EIF4G3: variants seen among roughly 807,000 people sequenced by gnomAD.
EIF4G3 encodes eukaryotic translation initiation factor 4 gamma 3, also known as eIF-4-gamma 3.
In EIF4G3, 34 loss-of-function variants were observed where a neutral mutation model predicts 186.4. The observed-to-expected ratio is 0.18, with a 90% CI of 0.14 to 0.24. The LOEUF (loss-of-function observed/expected upper bound fraction) is 0.24, where lower values mean the gene tolerates loss of function less well. EIF4G3 is among the 10% of genes least tolerant of loss of function. EIF4G3 has a pLI of 1.00. For synonymous variants in EIF4G3, 673 were observed against 679.5 expected (o/e 0.99, Z 0.15); for missense variants, 1,536 against 1,948.5 (o/e 0.79, Z 3.99).
Position 20,951,451 on chromosome 1 carries a change from C to T in EIF4G3, c.715-1340G>A, listed in dbSNP as rs140708611. On this transcript the variant is annotated intron_variant, in intron 12 of 36. Coordinates refer to ENST00000602326, the MANE Select transcript of EIF4G3 (RefSeq NM_001391906.1). The stretch of plus-strand genomic sequence containing the variant: ...AAAAAATGGAGAGTTACTGTTTTCA[C>T]GGGGACAAATAAAGAAAATAGCACT... Among the ~76,000 whole-genome samples, 1,098 of 151,938 alleles carry T rather than the reference C, an allele frequency of 7.2e-3. 8 individuals carry two copies. Among genetic ancestry groups the T allele is most frequent in the South Asian group, 0.039 (187 of 4,818 alleles).
intron 3 of EIF4G3, among the ~76,000 whole-genome samples, chr1:21,087,884 C>T (rs1025446058): frequency 2.8e-4 from 43 of 151,942 alleles, no homozygotes; most frequent in African/African-American, 4.6e-4. Flanking sequence ...CCACCTGCCT[C>T]GGCCTCCCAA....
At chr1:20,976,130 GTT>G (rs550634251) in intron 10 of EIF4G3, among the ~76,000 whole-genome samples, 4,571 of 143,972 alleles carry the variant, frequency 0.032, 222 homozygotes, top group African/African-American at 0.11. Flanking sequence ...ACACACAGAG[GTT>G]TTTTTTTTTA....
chr1:21,042,388 T>A (rs182970291), intron 4 of EIF4G3, among the ~76,000 whole-genome samples: 93 of 152,350 alleles, frequency 6.1e-4, no homozygotes, highest in Non-Finnish European at 1.9e-4. Context: ...CTCTCTTTAC[T>A]ATTCATTGAG....
intron 14 of EIF4G3, among the ~76,000 whole-genome samples, chr1:20,911,349 C>A (rs2093165770): frequency 6.6e-6 from 1 of 151,940 alleles, no homozygotes; most frequent in Admixed American, 6.6e-5. Context: ...GGGAAGACTG[C>A]TTGAGGCCAG....
chr1:21,023,223 C>T (rs1238415835), intron 4 of EIF4G3, among the ~76,000 whole-genome samples: 1 of 99,974 alleles, frequency 1.0e-5, no homozygotes, highest in African/African-American at 3.4e-5. Flanking sequence ...TAAGGGCTCT[C>T]CCTCTCCCTC....
At chr1:20,924,199 A>G (rs1188531258) in intron 14 of EIF4G3, among the ~76,000 whole-genome samples, 2 of 152,200 alleles carry the variant, frequency 1.3e-5, no homozygotes, top group African/African-American at 4.8e-5. Context: ...GACATTTTAG[A>G]GAAGATCTAG....
At chr1:20,885,882 A>G (rs1488044652) in intron 19 of EIF4G3, among the ~76,000 whole-genome samples, 1 of 152,240 alleles carries the variant, frequency 6.6e-6, no homozygotes, top group Admixed American at 6.5e-5. Context: ...TAAATAGGAT[A>G]AAGAGACTCA....
intron 12 of EIF4G3, among the ~76,000 whole-genome samples, chr1:20,954,156 C>A (rs2096319501): frequency 6.6e-6 from 1 of 152,154 alleles, no homozygotes; most frequent in East Asian, 1.9e-4. Context: ...TTAAAATAAT[C>A]CTGTATAAAT....
chr1:21,112,864 T>A (rs1030865108), intron 2 of EIF4G3, among the ~76,000 whole-genome samples: 3 of 152,184 alleles, frequency 2.0e-5, no homozygotes, highest in African/African-American at 7.2e-5. Flanking sequence ...TAATCACTAC[T>A]TATCCAGTAT....
intron 4 of EIF4G3, among the ~76,000 whole-genome samples, chr1:21,047,647 T>C (rs960558989): frequency 1.3e-5 from 2 of 152,202 alleles, no homozygotes; most frequent in African/African-American, 4.8e-5. Flanking sequence ...GTGTTTCATA[T>C]GTGTAGGACT....
chr1:20,970,195 C>T (rs1003743111), intron 11 of EIF4G3, among the ~76,000 whole-genome samples: 1 of 152,102 alleles, frequency 6.6e-6, no homozygotes, highest in Admixed American at 6.5e-5. Flanking sequence ...TATAAATACC[C>T]TACGAGTTAG....
chr1:20,856,889 G>A (rs1004355323), intron 25 of EIF4G3, among the ~76,000 whole-genome samples: 3 of 152,080 alleles, frequency 2.0e-5, no homozygotes, highest in East Asian at 1.9e-4. Context: ...GAGGCCGGGC[G>A]CGGTGGCTCA....
intron 2 of EIF4G3, among the ~76,000 whole-genome samples, chr1:21,126,370 C>T (rs1305198800): frequency 6.6e-6 from 1 of 151,882 alleles, no homozygotes; most frequent in Non-Finnish European, 1.5e-5. Flanking sequence ...GATTCTTAAG[C>T]TTAAGAGACT....
Position 20,864,658 on chromosome 1 carries a change from G to A in EIF4G3, c.2824C>T (p.Arg942Trp), listed in dbSNP as rs1396254325. The A allele has an allele frequency of 3.1e-6, 5 of 1,613,996 alleles. No individual in the cohort carries two copies. The highest frequency in any genetic ancestry group is 1.3e-5 in the African/African-American group (1 of 74,896). The change falls in exon 22 of 37, where the codon CGG becomes TGG. Residue 942 changes from arginine to tryptophan, a missense_variant. Physicochemically the swap from Arg to Trp is moderately radical, Grantham distance 101. This residue lies in a region of EIF4G3 where 77 missense variants were observed against 131.6 expected (regional missense o/e 0.59). Transcript: ENST00000602326. ...TTGATGTTGCCAATGGATCTCCGCCGGGCTTTGTCCTTGGCTTCTTCCAGT... is the reference window on the plus strand; with the variant it reads ...TTGATGTTGCCAATGGATCTCCGCCAGGCTTTGTCCTTGGCTTCTTCCAGT... The part of the protein sequence containing the change: ...DELEEAKDKA[R>W]RRSIGNIKFI...
At chr1:20,876,443 T>TAA (rs386366428) in intron 20 of EIF4G3, among the ~76,000 whole-genome samples, 3,578 of 80,818 alleles carry the variant, frequency 0.044, 71 homozygotes, top group Middle Eastern at 0.082. Flanking sequence ...ATTTATTAAG[T>TAA]AAAAAAAAAA....
intron 35 of EIF4G3, among the ~76,000 whole-genome samples, chr1:20,812,692 TTATCA>T (rs1359444183): frequency 6.6e-6 from 1 of 152,228 alleles, no homozygotes; most frequent in African/African-American, 2.4e-5. Context: ...TAAAATTGTC[TTATCA>T]TATCAAATAA....
At chr1:20,900,512 T>TAAA (rs5772923) in intron 15 of EIF4G3, among the ~76,000 whole-genome samples, 3 of 122,958 alleles carry the variant, frequency 2.4e-5, no homozygotes, top group Middle Eastern at 8.9e-3. Context: ...ATCTTGTATA[T>TAAA]AAAAAAAAAA....
intron 34 of EIF4G3, among the ~76,000 whole-genome samples, chr1:20,815,724 A>C (rs1412950954): frequency 1.9e-5 from 2 of 105,998 alleles, no homozygotes; most frequent in Admixed American, 9.3e-5. Flanking sequence ...GGCCGCCCCT[A>C]CTGGGAAGTG....
intron 2 of EIF4G3, among the ~76,000 whole-genome samples, chr1:21,144,259 AT>A (rs1159029587): frequency 1.3e-5 from 2 of 152,120 alleles, no homozygotes; most frequent in Non-Finnish European, 2.9e-5. Flanking sequence ...CTATTTATTT[AT>A]TTATTTTGGA....
Sources: gnomAD v4.1 joint callset for allele counts (sites outside exome capture counted in the v4.1 genomes callset) on GRCh38, gnomAD v4.1.1 for gene constraint, gnomAD v4.1.1 regional missense constraint, MANE v1.5 for transcripts, NCBI Gene and HGNC (gene_info 2026-07-23, HGNC 2026-07-21) for gene names.